EIF3H: variants seen among roughly 807,000 people sequenced by gnomAD.
The protein encoded by EIF3H is eukaryotic translation initiation factor 3 subunit H, also known as eIF-3-gamma.
EIF3H carries 26 observed loss-of-function variants against 44.2 expected under a neutral mutation model. The observed-to-expected ratio is 0.59, with a 90% CI of 0.43 to 0.82. EIF3H has a LOEUF of 0.82. Among genes scored for constraint, EIF3H ranks in the 40% least tolerant of loss-of-function variants. EIF3H has a pLI of 0.00. For synonymous variants in EIF3H, 166 were observed against 151.9 expected, an observed-to-expected ratio of 1.09 and a Z score of -0.68; for missense variants, 359 against 432.8, an observed-to-expected ratio of 0.83 and a Z score of 1.51.
At chr8:116,693,300 A>G (rs889267238) in intron 2 of EIF3H, among the ~76,000 whole-genome samples, 2 of 152,244 alleles carry the variant, frequency 1.3e-5, no homozygotes, top group Non-Finnish European at 2.9e-5. Context: ...AATTTTAGCA[A>G]CTGCTTGTTA....
At chr8:116,721,001 A>C (rs952066357) in intron 2 of EIF3H, among the ~76,000 whole-genome samples, 9 of 152,104 alleles carry the variant, frequency 5.9e-5, no homozygotes, top group African/African-American at 2.2e-4. Context: ...GGAGAAATTC[A>C]AGCAGAAATT....
chr8:116,652,538 T>A (rs766444940), intron 5 of EIF3H, among the ~76,000 whole-genome samples: 6 of 152,180 alleles, frequency 3.9e-5, no homozygotes, highest in Non-Finnish European at 8.8e-5. Context: ...GATGCACGCA[T>A]TTTAGAAGTA....
At chr8:116,646,053 C>A (rs761283865) in intron 7 of EIF3H, among the ~76,000 whole-genome samples, 1 of 152,160 alleles carries the variant, frequency 6.6e-6, no homozygotes, top group Non-Finnish European at 1.5e-5. Context: ...TACATTTGTG[C>A]TGCCACAATT....
At chr8:116,716,031 T>C (rs189039838) in intron 2 of EIF3H, among the ~76,000 whole-genome samples, 8 of 123,784 alleles carry the variant, frequency 6.5e-5, no homozygotes, top group African/African-American at 1.7e-4. Flanking sequence ...CAAAAACAAA[T>C]TGTGAATTAA....
chr8:116,684,193 TC>T (rs1268609145), intron 2 of EIF3H, among the ~76,000 whole-genome samples: 2 of 152,226 alleles, frequency 1.3e-5, no homozygotes, highest in East Asian at 3.8e-4. Context: ...TGTTTTAATC[TC>T]AAAGAGATGC....
At chr8:116,676,663 A>C (rs1649873284) in intron 2 of EIF3H, among the ~76,000 whole-genome samples, 1 of 152,240 alleles carries the variant, frequency 6.6e-6, no homozygotes, top group South Asian at 2.1e-4. Flanking sequence ...CTGAATTAGT[A>C]TGACAGTATT....
At chr8:116,746,698 A>T (rs1815244074) in intron 1 of EIF3H, among the ~76,000 whole-genome samples, 1 of 152,234 alleles carries the variant, frequency 6.6e-6, no homozygotes, top group Non-Finnish European at 1.5e-5. Context: ...ATGTACGCTA[A>T]ATGATTTTTC....
Position 116,642,433 on chromosome 8 carries a change from ATTTTAG to A in EIF3H, c.*2567_*2572del, listed in dbSNP as rs1203532437. On this transcript the variant is annotated 3_prime_UTR_variant, in exon 8 of 8. Coordinates refer to ENST00000521861, the MANE Select transcript of EIF3H (RefSeq NM_003756.3). Reference sequence around the variant, plus strand: ...GCTTCCAAAAATAGGTAAAAAAATTATTTTAGTTTAAGTTGATATTAAAAACACATT... The same window carrying A: ...GCTTCCAAAAATAGGTAAAAAAATTATTTAAGTTGATATTAAAAACACATT... The A allele has an allele frequency of 5.3e-5, 8 of 152,186 alleles. No individual in the cohort carries two copies. The highest frequency in any genetic ancestry group is 1.0e-4 in the Non-Finnish European group (7 of 68,036). The allele number at this position is 152,186 out of a possible 1,614,324, so 9.4% of individuals were successfully genotyped here.
intron 6 of EIF3H, among the ~76,000 whole-genome samples, chr8:116,647,627 C>T (rs1813326252): frequency 6.6e-6 from 1 of 152,178 alleles, no homozygotes; most frequent in South Asian, 2.1e-4. Flanking sequence ...CGTAATATCC[C>T]ATACACAACC....
At chr8:116,766,057 G>A (rs1465288006) in exon 1 of EIF3H, 1 of 152,154 alleles carries the variant, frequency 6.6e-6, no homozygotes, top group Non-Finnish European at 1.5e-5. Context: ...TTTCTTTATG[G>A]GAAAGCAGCC....
intron 2 of EIF3H, among the ~76,000 whole-genome samples, chr8:116,665,238 A>T (rs1044678838): frequency 1.3e-5 from 2 of 152,228 alleles, no homozygotes; most frequent in Admixed American, 1.3e-4. Flanking sequence ...TCTATATTTG[A>T]CATTAAATTA....
chr8:116,724,326 A>C (rs1041803292), intron 2 of EIF3H, among the ~76,000 whole-genome samples: 7 of 152,202 alleles, frequency 4.6e-5, no homozygotes, highest in African/African-American at 1.7e-4. Context: ...TTAAAGACCT[A>C]AACATAAGAC....
intron 1 of EIF3H, among the ~76,000 whole-genome samples, chr8:116,749,692 CT>C (rs1453533547): frequency 2.0e-5 from 3 of 152,086 alleles, no homozygotes; most frequent in Non-Finnish European, 4.4e-5. Context: ...CAGAATGTGA[CT>C]CAGGCACTAC....
chr8:116,675,868 C>T (rs1420207575), intron 2 of EIF3H, among the ~76,000 whole-genome samples: 3 of 152,084 alleles, frequency 2.0e-5, no homozygotes, highest in Non-Finnish European at 4.4e-5. Context: ...TTAATAATTA[C>T]TAAGAACATA....
chr8:116,739,812 A>G (rs1815101499), intron 1 of EIF3H, among the ~76,000 whole-genome samples: 1 of 152,142 alleles, frequency 6.6e-6, no homozygotes, highest in African/African-American at 2.4e-5. Flanking sequence ...TCCCCGACTG[A>G]GCTGGTCTCG....
intron 1 of EIF3H, among the ~76,000 whole-genome samples, chr8:116,734,525 T>G (rs1034658430): frequency 4.6e-5 from 7 of 152,146 alleles, no homozygotes; most frequent in Non-Finnish European, 8.8e-5. Context: ...CTAAAAGAAC[T>G]GGTAGATAAA....
intron 1 of EIF3H, among the ~76,000 whole-genome samples, chr8:116,734,679 C>T (rs1036844172): frequency 6.6e-6 from 1 of 152,128 alleles, no homozygotes; most frequent in Non-Finnish European, 1.5e-5. Context: ...CCTCAGCCTC[C>T]CTAGTAGCTG....
intron 2 of EIF3H, among the ~76,000 whole-genome samples, chr8:116,707,850 A>G (rs1204204889): frequency 4.6e-5 from 7 of 152,168 alleles, no homozygotes; most frequent in Non-Finnish European, 7.4e-5. Flanking sequence ...ATTATTATTC[A>G]GACCATTCCC....
intron 2 of EIF3H, among the ~76,000 whole-genome samples, chr8:116,717,113 T>G (rs577641716): frequency 2.1e-4 from 32 of 152,200 alleles, no homozygotes; most frequent in Non-Finnish European, 3.2e-4. Context: ...CAGAAAATTA[T>G]AGTTTTTATC....
Sources: gnomAD v4.1 joint callset for allele counts (sites outside exome capture counted in the v4.1 genomes callset) on GRCh38, gnomAD v4.1.1 for gene constraint, MANE v1.5 for transcripts, NCBI Gene and HGNC (gene_info 2026-07-23, HGNC 2026-07-21) for gene names.